Variants in PGBD2 observed in about 807,000 individuals in gnomAD.
PGBD2 encodes piggyBac transposable element derived 2.
A neutral mutation model predicts 8.1 loss-of-function variants in PGBD2; 6 were observed. The ratio of observed to expected loss-of-function variants is 0.74; its 90% CI spans 0.40 to 1.46. The LOEUF is 1.46. Ranked by LOEUF, PGBD2 falls within the 40% of genes most tolerant of loss-of-function variation. The pLI is 0.02. For missense variants in PGBD2, 802 were observed against 739.0 expected, an observed-to-expected ratio of 1.09 and a Z score of -0.99; for synonymous variants, 318 against 272.2, an observed-to-expected ratio of 1.17 and a Z score of -1.66.
At chr1:248,901,323 G>T (rs1352750702), upstream of PGBD2, among the ~76,000 whole-genome samples, 6 of 152,188 alleles carry the variant, frequency 3.9e-5, no homozygotes, top group Non-Finnish European at 8.8e-5. Flanking sequence ...GAGGCATCAG[G>T]GTACCCGACT....
chr1:248,908,477 C>A (rs966374758), intron 1 of PGBD2, among the ~76,000 whole-genome samples: 12 of 152,278 alleles, frequency 7.9e-5, no homozygotes, highest in African/African-American at 2.6e-4. Flanking sequence ...CTGCCCTACC[C>A]CCTCAACCAA....
downstream of PGBD2, among the ~76,000 whole-genome samples, chr1:248,920,989 T>TC (rs1206214655): frequency 6.6e-6 from 1 of 151,418 alleles, no homozygotes; most frequent in African/African-American, 2.4e-5. Context: ...TTTGATGGTT[T>TC]TTTTTTTTTC....
At chr1:248,875,308 CAAAAAAAA>C in the PGBD2 span, among the ~76,000 whole-genome samples, 209 of 110,270 alleles carry the variant, frequency 1.9e-3, no homozygotes, top group African/African-American at 6.1e-3. Flanking sequence ...AAAAACAAAA[CAAAAAAAA>C]AAAAAAAAAA....
At chr1:248,929,210 T>G in the PGBD2 span, among the ~76,000 whole-genome samples, 1 of 151,954 alleles carries the variant, frequency 6.6e-6, no homozygotes, top group South Asian at 2.1e-4. Context: ...TTTCTGTCTG[T>G]TTTTTTTCAG....
At chr1:248,873,840 G>C in the PGBD2 span, among the ~76,000 whole-genome samples, 52 of 152,324 alleles carry the variant, frequency 3.4e-4, no homozygotes, top group African/African-American at 1.1e-3. Flanking sequence ...AGTGAGAAGC[G>C]CTCTGCTTCC....
chr1:248,917,754 GAAA>G lies in PGBD2; in HGVS notation c.1175_1177del (p.Lys392del). ...GTCCCCTAAAAGACCCCAAAGAACT[GAAA>G]AAAATGAAGAGGGGTTCATTTGATT... On this transcript the variant is annotated inframe_deletion, in exon 3 of 3. Coordinates refer to ENST00000329291, the MANE Select transcript of PGBD2 (RefSeq NM_170725.3). 1 of 1,613,990 alleles carries G rather than the reference GAAA, an allele frequency of 6.2e-7. No individual in the cohort carries two copies.
chr1:248,874,368 T>TC, the PGBD2 span, among the ~76,000 whole-genome samples: 1 of 152,176 alleles, frequency 6.6e-6, no homozygotes, highest in Admixed American at 6.5e-5. Context: ...TAGGTGATGT[T>TC]CCCAGAGTCA....
chr1:248,910,234 G>T (rs1017915582), intron 1 of PGBD2, among the ~76,000 whole-genome samples: 3 of 152,210 alleles, frequency 2.0e-5, no homozygotes, highest in Non-Finnish European at 2.9e-5. Context: ...AACAGAATTA[G>T]ACATTATGAA....
chr1:248,903,777 T>C (rs1024306737), upstream of PGBD2, among the ~76,000 whole-genome samples: 1 of 152,220 alleles, frequency 6.6e-6, no homozygotes, highest in Non-Finnish European at 1.5e-5. Context: ...TTCTCATAAT[T>C]CCATACAACT....
chr1:248,911,391 C>G (rs1661865942), intron 1 of PGBD2, among the ~76,000 whole-genome samples: 1 of 150,314 alleles, frequency 6.7e-6, no homozygotes, highest in South Asian at 2.1e-4. Flanking sequence ...CCATTCAACC[C>G]TGAGTGGACA....
At chr1:248,887,877 C>A in the PGBD2 span, among the ~76,000 whole-genome samples, 1 of 152,122 alleles carries the variant, frequency 6.6e-6, no homozygotes, top group African/African-American at 2.4e-5. Flanking sequence ...ACATAGTACT[C>A]AATAGGAAGT....
chr1:248,906,834 C>T (rs1248996185), intron 1 of PGBD2, among the ~76,000 whole-genome samples: 1 of 152,044 alleles, frequency 6.6e-6, no homozygotes, highest in Non-Finnish European at 1.5e-5. Flanking sequence ...TCTTTGTTTG[C>T]CCTTCTTTCT....
At chr1:248,923,219 T>C (rs961352209), downstream of PGBD2, among the ~76,000 whole-genome samples, 1 of 152,234 alleles carries the variant, frequency 6.6e-6, no homozygotes, top group Non-Finnish European at 1.5e-5. Flanking sequence ...TATTTGTTTC[T>C]TCTAGATTTT....
chr1:248,885,540 G>A, the PGBD2 span, among the ~76,000 whole-genome samples: 1 of 152,046 alleles, frequency 6.6e-6, no homozygotes, highest in African/African-American at 2.4e-5. Context: ...ACCCAGTCTT[G>A]GTTCAGAAGC....
Position 248,918,466 on chromosome 1 carries a change from C to T in PGBD2, c.*103C>T. 8.5e-7 allele frequency: 1 copy of T among 1,179,390 alleles called. No homozygotes were observed. Among genetic ancestry groups the T allele is most frequent in the South Asian group, 1.7e-5 (1 of 57,950 alleles). 73.1% of individuals were successfully genotyped at this position (1,179,390 alleles called of 1,614,324 possible). On this transcript the variant is annotated 3_prime_UTR_variant, in exon 3 of 3. Transcript: ENST00000329291. ...TGTGTTGGAAAAAAGACCTGAATTT[C>T]TAATGACTTGATTTTCTATTTTCTC...
chr1:248,878,367 T>C, the PGBD2 span, among the ~76,000 whole-genome samples: 1 of 151,922 alleles, frequency 6.6e-6, no homozygotes, highest in Non-Finnish European at 1.5e-5. Flanking sequence ...TTTGTAGAGA[T>C]GGGGTTTCAC....
At chr1:248,873,894 T>A in the PGBD2 span, among the ~76,000 whole-genome samples, 1 of 152,162 alleles carries the variant, frequency 6.6e-6, no homozygotes, top group African/African-American at 2.4e-5. Context: ...AGACTCAAGG[T>A]AAGCACCTTG....
chr1:248,918,466 CTAA>C lies in PGBD2; in HGVS notation c.*105_*107del, dbSNP rs1180583159. 3.4e-6 allele frequency: 4 copies of C among 1,179,390 alleles called. No individual in the cohort carries two copies. In the East Asian group the frequency reaches 1.0e-4, roughly 31 times the overall value. 73.1% of individuals were successfully genotyped at this position (1,179,390 alleles called of 1,614,324 possible). On this transcript the variant is annotated 3_prime_UTR_variant, in exon 3 of 3. Coordinates refer to ENST00000329291, the MANE Select transcript of PGBD2 (RefSeq NM_170725.3). ...TGTGTTGGAAAAAAGACCTGAATTTCTAATGACTTGATTTTCTATTTTCTCCCT... is the reference window on the plus strand; with the variant it reads ...TGTGTTGGAAAAAAGACCTGAATTTCTGACTTGATTTTCTATTTTCTCCCT...
the PGBD2 span, among the ~76,000 whole-genome samples, chr1:248,892,138 T>C: frequency 1.3e-5 from 2 of 152,230 alleles, no homozygotes; most frequent in African/African-American, 4.8e-5. Flanking sequence ...ATTGCTTATA[T>C]AGACAAAGCA....
Sources: gnomAD v4.1 joint callset for allele counts (sites outside exome capture counted in the v4.1 genomes callset) on GRCh38, gnomAD v4.1.1 for gene constraint, MANE v1.5 for transcripts, NCBI Gene and HGNC (gene_info 2026-07-23, HGNC 2026-07-21) for gene names.